PATJ: variants seen among roughly 807,000 people sequenced by gnomAD.
The protein encoded by PATJ is inaD-like protein.
PATJ carries 190 observed loss-of-function variants against 224.9 expected under a neutral mutation model. The observed-to-expected ratio is 0.84, with a 90% CI of 0.75 to 0.95. PATJ has a LOEUF of 0.95. Ranked by LOEUF, PATJ falls within the 40% of genes least tolerant of loss-of-function variation. The pLI, the probability that PATJ is intolerant of heterozygous loss-of-function variation, is 0.00. For synonymous variants in PATJ, 769 were observed against 820.3 expected (o/e 0.94, Z 1.07); for missense variants, 2,121 against 2,270.3 (o/e 0.93, Z 1.34).
chr1:61,774,119 CAA>C (rs35357345), intron 6 of PATJ, among the ~76,000 whole-genome samples: 8 of 68,844 alleles, frequency 1.2e-4, no homozygotes, highest in Admixed American at 3.9e-4. Flanking sequence ...GACTCCATCT[CAA>C]AAAAAAAAAA....
At chr1:62,107,191 A>C (rs960001762) in intron 33 of PATJ, among the ~76,000 whole-genome samples, 1 of 152,056 alleles carries the variant, frequency 6.6e-6, no homozygotes, top group African/African-American at 2.4e-5. Flanking sequence ...CTGTAGTCCC[A>C]GCTACTCAGG....
In PATJ at chr1:61,764,806, T is replaced by G. The variant is rs915768925; in HGVS notation, c.190-1473T>G. ...AATTTTAGCACTGCCTATATTGATG[T>G]TTAGCTTTCTGTATTTCTCTTGGTC... On this transcript the variant is annotated intron_variant, in intron 3 of 43. Transcript: ENST00000642238. 1.2e-4 allele frequency among the ~76,000 whole-genome samples: 19 copies of G among 152,286 alleles called. 1 individual carries two copies. Among genetic ancestry groups the G allele is most frequent in the Admixed American group, 8.5e-4 (13 of 15,290 alleles).
intron 12 of PATJ, among the ~76,000 whole-genome samples, chr1:61,804,659 G>A (rs901420586): frequency 2.0e-5 from 3 of 152,146 alleles, no homozygotes; most frequent in South Asian, 2.1e-4. Context: ...TATAACTTCA[G>A]TTTTAGTACT....
chr1:61,788,003 A>C (rs762005553), intron 8 of PATJ, 31 bp downstream of exon 8: 1 of 1,550,472 alleles, frequency 6.4e-7, no homozygotes, highest in Non-Finnish European at 8.9e-7. Flanking sequence ...TTCATCTTAA[A>C]CCAAAGCCTG....
Position 61,797,710 on chromosome 1 carries a change from G to T in PATJ, c.1402+282G>T, listed in dbSNP as rs569644521. Among the ~76,000 whole-genome samples, 5 of 152,186 alleles carry T rather than the reference G, an allele frequency of 3.3e-5. No homozygotes were observed. In the East Asian group the frequency reaches 9.6e-4, roughly 29 times the overall value. The stretch of plus-strand genomic sequence containing the variant: ...TTTCTAAAAGCTTTCAAATTTCATT[G>T]ATTACGTATATTTGAATAATAAAGC... On this transcript the variant is annotated intron_variant, in intron 11 of 43. Coordinates refer to ENST00000642238, the MANE Select transcript of PATJ (RefSeq NM_001350145.3).
chr1:62,146,359 A>C (rs2149020259), intron 41 of PATJ, among the ~76,000 whole-genome samples: 1 of 152,334 alleles, frequency 6.6e-6, no homozygotes. Context: ...TTTCCTTTGG[A>C]CAGTTTTAAG....
rs555201376 is a variant in PATJ at position 61,941,966 on chromosome 1, T to C, written c.3670+14137T>C. 2.0e-5 allele frequency among the ~76,000 whole-genome samples: 3 copies of C among 152,344 alleles called. No homozygotes were observed. In the South Asian group the frequency reaches 6.2e-4, roughly 32 times the overall value. ...TGTTTGAATTATTGCCATTAATAAA[T>C]ACAGTTTTGTTTTCATTCTTAACAT... On this transcript the variant is annotated intron_variant, in intron 27 of 43. Transcript: ENST00000642238.
chr1:61,882,462 G>A (rs1026452867), intron 21 of PATJ, among the ~76,000 whole-genome samples: 2 of 152,160 alleles, frequency 1.3e-5, no homozygotes, highest in African/African-American at 2.4e-5. Context: ...TGTCTGCAGA[G>A]GTAATCGCGA....
chr1:61,811,627 C>G (rs1654778510), intron 14 of PATJ, among the ~76,000 whole-genome samples: 1 of 150,474 alleles, frequency 6.6e-6, no homozygotes, highest in Non-Finnish European at 1.5e-5. Flanking sequence ...TAAATGTTTT[C>G]TAGTTTACTA....
At chr1:61,850,382 C>T (rs138495661) in intron 17 of PATJ, among the ~76,000 whole-genome samples, 59 of 152,328 alleles carry the variant, frequency 3.9e-4, no homozygotes, top group Non-Finnish European at 6.3e-4. Context: ...AGTCTTCTTA[C>T]GCCCACCAAA....
intron 27 of PATJ, among the ~76,000 whole-genome samples, chr1:61,957,738 A>C (rs2149408714): frequency 6.6e-6 from 1 of 152,338 alleles, no homozygotes; most frequent in South Asian, 2.1e-4. Flanking sequence ...TAATTGCAGC[A>C]GAGACCATGG....
intron 42 of PATJ, 116 bp from the exon 43 acceptor site, chr1:62,153,242 C>G: frequency 1.3e-6 from 1 of 781,130 alleles, no homozygotes. Flanking sequence ...ATCTGATAAA[C>G]CAAACTTCAT....
intron 31 of PATJ, among the ~76,000 whole-genome samples, chr1:62,056,312 A>G (rs1654521666): frequency 6.6e-6 from 1 of 152,202 alleles, no homozygotes; most frequent in South Asian, 2.1e-4. Context: ...ACATAACAAT[A>G]GTAGTTATAT....
chr1:62,121,776 G>GA lies in PATJ; in HGVS notation c.5005+492dup, dbSNP rs779754902. Among the ~76,000 whole-genome samples the GA allele has an allele frequency of 1.6e-3, 77 of 48,052 alleles. No homozygotes were observed. The East Asian group carries it at 0.037, about 23-fold the overall frequency. The allele number at this position is 48,052 out of a possible 152,430, so 31.5% of individuals were successfully genotyped here. A position where few individuals can be genotyped will look rare whatever the true frequency, so the allele number is the denominator to read the frequency against. ...GTGACAGAGCAAGACTCCGTCTCCA[G>GA]AAAAAAAAAAAGAAATTCCTTCAGT... is the stretch of plus-strand genomic sequence containing the variant. On this transcript the variant is annotated intron_variant, in intron 38 of 43. Coordinates refer to ENST00000642238, the MANE Select transcript of PATJ (RefSeq NM_001350145.3).
chr1:62,104,249 A>C (rs1301120557), intron 33 of PATJ, among the ~76,000 whole-genome samples: 1 of 152,204 alleles, frequency 6.6e-6, no homozygotes, highest in Non-Finnish European at 1.5e-5. Context: ...TGCATAATCA[A>C]CACCAAATTT....
intron 8 of PATJ, among the ~76,000 whole-genome samples, chr1:61,788,769 G>T (rs1649136043): frequency 6.6e-6 from 1 of 152,164 alleles, no homozygotes; most frequent in Non-Finnish European, 1.5e-5. Flanking sequence ...CTGCCTCCCA[G>T]ATTCAAGCAA....
At chr1:62,160,848 A>G in intron 43 of PATJ, 60 bp from the exon 44 acceptor site, 2 of 1,569,756 alleles carry the variant, frequency 1.3e-6, no homozygotes, top group East Asian at 2.2e-5. Context: ...AGGTTTTAAT[A>G]TCAATTTAAT....
At chr1:61,854,005 G>A (rs72674671) in intron 17 of PATJ, among the ~76,000 whole-genome samples, 2,064 of 152,312 alleles carry the variant, frequency 0.014, 26 homozygotes, top group Non-Finnish European at 0.019. Flanking sequence ...GGAATTAGCT[G>A]TGTAGCCTTT....
At chr1:62,094,426 A>G (rs1295571527) in intron 33 of PATJ, among the ~76,000 whole-genome samples, 1 of 151,950 alleles carries the variant, frequency 6.6e-6, no homozygotes, top group Non-Finnish European at 1.5e-5. Context: ...TAAAATAATG[A>G]TATAGATAGG....
Sources: gnomAD v4.1 joint callset for allele counts (sites outside exome capture counted in the v4.1 genomes callset) on GRCh38, gnomAD v4.1.1 for gene constraint, MANE v1.5 for transcripts, NCBI Gene and HGNC (gene_info 2026-07-23, HGNC 2026-07-21) for gene names.